Variants in KIRREL3 observed in about 807,000 individuals in gnomAD.
KIRREL3 encodes kirre like nephrin family adhesion molecule 3.
In KIRREL3, 36 loss-of-function variants were observed where a neutral mutation model predicts 89.7. That is an observed-to-expected ratio of 0.40 (90% confidence interval 0.31 to 0.53). KIRREL3 has a LOEUF of 0.53. Among genes scored for constraint, KIRREL3 ranks in the 20% least tolerant of loss-of-function variants. The pLI is 0.49. For missense variants in KIRREL3, 864 were observed against 1,056.6 expected (o/e 0.82, Z 2.53); for synonymous variants, 445 against 441.4 (o/e 1.01, Z -0.10).
In KIRREL3 at chr11:126,782,566, G is replaced by T. The variant is rs1950359972; in HGVS notation, c.55+217889C>A. ...AATTCGTAGGTTTACAATTCTATAT[G>T]CTGTACATGTGCACTGAAACTGAAC... On this transcript the variant is annotated intron_variant, in intron 1 of 16. Coordinates refer to ENST00000525144, the MANE Select transcript of KIRREL3 (RefSeq NM_032531.4). The surrounding 1 kb of genome is among the most constrained non-coding windows in gnomAD (Gnocchi z 4.1). Among the ~76,000 whole-genome samples, 1 of 152,154 alleles carries T rather than the reference G, an allele frequency of 6.6e-6. No homozygotes were observed. Among genetic ancestry groups the T allele is most frequent in the Admixed American group, 6.5e-5 (1 of 15,272 alleles).
At position 126,748,743 on chromosome 11, in the gene KIRREL3, C is replaced by G. The variant is rs1949239410; in HGVS notation, c.56-185831G>C. On this transcript the variant is annotated intron_variant, in intron 1 of 16. Transcript: ENST00000525144. This position sits in a 1 kb window ranked among gnomAD's most constrained non-coding sequence, Gnocchi z 4.6. Reference sequence around the variant, plus strand: ...AAACCAGGCCACGTGTGCCATCCATCGCTGTGATAAAAGCCTCTCTGCCCA... The same window carrying G: ...AAACCAGGCCACGTGTGCCATCCATGGCTGTGATAAAAGCCTCTCTGCCCA... Among the ~76,000 whole-genome samples, 1 of 152,156 alleles carries G rather than the reference C, an allele frequency of 6.6e-6. No individual in the cohort carries two copies. The highest frequency in any genetic ancestry group is 1.5e-5 in the Non-Finnish European group (1 of 68,030).
chr11:126,659,833 G>A (rs889321098), intron 1 of KIRREL3, among the ~76,000 whole-genome samples: 3 of 152,218 alleles, frequency 2.0e-5, no homozygotes, highest in South Asian at 2.1e-4. Flanking sequence ...AAGCTCGTGG[G>A]TGATTCTTAT....
chr11:126,949,944 C>T (rs971542730), intron 1 of KIRREL3, among the ~76,000 whole-genome samples: 1 of 152,236 alleles, frequency 6.6e-6, no homozygotes, highest in Non-Finnish European at 1.5e-5. Flanking sequence ...AGAAAATCTG[C>T]ACGTCTGTGT....
chr11:126,461,521 G>T (rs1040599976), intron 6 of KIRREL3, among the ~76,000 whole-genome samples: 1 of 151,052 alleles, frequency 6.6e-6, no homozygotes. Context: ...GGGGTTGTAG[G>T]GGGGACAGAG....
In KIRREL3 at chr11:126,780,034, C is replaced by T. The variant is rs879812366; in HGVS notation, c.56-217122G>A. 3.3e-5 allele frequency among the ~76,000 whole-genome samples: 5 copies of T among 151,908 alleles called. No individual in the cohort carries two copies. The highest frequency in any genetic ancestry group is 6.6e-5 in the Admixed American group (1 of 15,250). ...TCTGTGGCTTCAACAGGGAGCCCCA[C>T]GCTGTATCTGGAAGGGAGGACTGAA... On this transcript the variant is annotated intron_variant, in intron 1 of 16. Coordinates refer to ENST00000525144, the MANE Select transcript of KIRREL3 (RefSeq NM_032531.4). The surrounding 1 kb of genome is among the most constrained non-coding windows in gnomAD (Gnocchi z 5.3).
chr11:126,871,790 C>T (rs943172033), intron 1 of KIRREL3, among the ~76,000 whole-genome samples: 1 of 152,168 alleles, frequency 6.6e-6, no homozygotes, highest in African/African-American at 2.4e-5. Context: ...CTGAGTCTGG[C>T]ACTGAAACCA....
Position 126,724,582 on chromosome 11 carries a change from G to T in KIRREL3, c.56-161670C>A, listed in dbSNP as rs1246543809. Among the ~76,000 whole-genome samples the T allele has an allele frequency of 2.6e-5, 4 of 152,210 alleles. No homozygotes were observed. The highest frequency in any genetic ancestry group is 5.9e-5 in the Non-Finnish European group (4 of 68,040). ...AAGCAACACGTTTCTGTCCCCAAGGGATGAAGAAGTTTCTTCAGCTGCTCT... is the reference window on the plus strand; with the variant it reads ...AAGCAACACGTTTCTGTCCCCAAGGTATGAAGAAGTTTCTTCAGCTGCTCT... On this transcript the variant is annotated intron_variant, in intron 1 of 16. Transcript: ENST00000525144. This position sits in a 1 kb window ranked among gnomAD's most constrained non-coding sequence, Gnocchi z 4.3.
In KIRREL3 at chr11:126,689,742, C is replaced by T. The variant is rs572048222; in HGVS notation, c.56-126830G>A. 6.6e-6 allele frequency among the ~76,000 whole-genome samples: 1 copy of T among 152,358 alleles called. No homozygotes were observed. Among genetic ancestry groups the T allele is most frequent in the South Asian group, 2.1e-4 (1 of 4,830 alleles). Reference sequence around the variant, plus strand: ...CTTCCTGTCACTTTTCTTTGGCCACCTGGGTCTCAGCAGAGGCCCTCCCAA... The same window carrying T: ...CTTCCTGTCACTTTTCTTTGGCCACTTGGGTCTCAGCAGAGGCCCTCCCAA... On this transcript the variant is annotated intron_variant, in intron 1 of 16. Transcript: ENST00000525144. This position sits in a 1 kb window ranked among gnomAD's most constrained non-coding sequence, Gnocchi z 5.2.
rs752189290 is a variant in KIRREL3 at position 126,740,900 on chromosome 11, C to T, written c.56-177988G>A. Among the ~76,000 whole-genome samples, 4 of 152,024 alleles carry T rather than the reference C, an allele frequency of 2.6e-5. No homozygotes were observed. The highest frequency in any genetic ancestry group is 4.4e-5 in the Non-Finnish European group (3 of 68,030). On this transcript the variant is annotated intron_variant, in intron 1 of 16. Coordinates refer to ENST00000525144, the MANE Select transcript of KIRREL3 (RefSeq NM_032531.4). This position sits in a 1 kb window ranked among gnomAD's most constrained non-coding sequence, Gnocchi z 6.0. ...AGATATCCATTGTTCCATGAGAGTC[C>T]CCCATGGTAGAGTGAGTGACAAGGT... is the stretch of plus-strand genomic sequence containing the variant.
At chr11:126,559,536 T>C (rs1939954418) in intron 2 of KIRREL3, among the ~76,000 whole-genome samples, 1 of 119,230 alleles carries the variant, frequency 8.4e-6, no homozygotes, top group Non-Finnish European at 1.7e-5. Flanking sequence ...CCAGCTGCTG[T>C]GATGAGCACA....
chr11:126,970,046 C>G lies in KIRREL3; in HGVS notation c.55+30409G>C, dbSNP rs570846507. ...AAATCTGGCTAAAATTAGCCTTCTT[C>G]TACCAGTCACAGCCAAGCTGCCCTA... On this transcript the variant is annotated intron_variant, in intron 1 of 16. Coordinates refer to ENST00000525144, the MANE Select transcript of KIRREL3 (RefSeq NM_032531.4). This position sits in a 1 kb window ranked among gnomAD's most constrained non-coding sequence, Gnocchi z 4.4. Among the ~76,000 whole-genome samples, 38 of 152,330 alleles carry G rather than the reference C, an allele frequency of 2.5e-4. No individual in the cohort carries two copies. Among genetic ancestry groups the G allele is most frequent in the African/African-American group, 8.2e-4 (34 of 41,584 alleles).
intron 1 of KIRREL3, among the ~76,000 whole-genome samples, chr11:126,961,029 G>A (rs187983000): frequency 6.6e-6 from 1 of 152,264 alleles, no homozygotes; most frequent in Non-Finnish European, 1.5e-5. Flanking sequence ...ATGAGATGGT[G>A]AGCTTAATCA....
At position 126,783,071 on chromosome 11, in the gene KIRREL3, G is replaced by T. The variant is rs1257377770; in HGVS notation, c.55+217384C>A. Among the ~76,000 whole-genome samples, 1 of 152,172 alleles carries T rather than the reference G, an allele frequency of 6.6e-6. No homozygotes were observed. The highest frequency in any genetic ancestry group is 1.5e-5 in the Non-Finnish European group (1 of 68,026). On this transcript the variant is annotated intron_variant, in intron 1 of 16. Transcript: ENST00000525144. This position sits in a 1 kb window ranked among gnomAD's most constrained non-coding sequence, Gnocchi z 4.3. ...ATGTCATAACAAATAACTACAACTG[G>T]GTGGCTAAGAGCAACAGAAATTTAT...
chr11:126,937,568 T>G (rs961151449), intron 1 of KIRREL3, among the ~76,000 whole-genome samples: 2 of 152,148 alleles, frequency 1.3e-5, no homozygotes, highest in Admixed American at 1.3e-4. Flanking sequence ...TCTTCCTCTT[T>G]TCCCTCCTCT....
rs2134870576 is a variant in KIRREL3 at position 126,905,853 on chromosome 11, G to T, written c.55+94602C>A. Among the ~76,000 whole-genome samples the T allele has an allele frequency of 6.6e-6, 1 of 152,270 alleles. No homozygotes were observed. The highest frequency in any genetic ancestry group is 2.1e-4 in the South Asian group (1 of 4,820). The stretch of plus-strand genomic sequence containing the variant: ...CATGACTCCCCAAAGCACTTCAGGG[G>T]TTCCTTTGTCCGCACCCAGCCATGC... On this transcript the variant is annotated intron_variant, in intron 1 of 16. Coordinates refer to ENST00000525144, the MANE Select transcript of KIRREL3 (RefSeq NM_032531.4). The surrounding 1 kb of genome is among the most constrained non-coding windows in gnomAD (Gnocchi z 5.0).
rs990738902 is a variant in KIRREL3, at chr11:126,571,070, G to A, written c.56-8158C>T. ...CAGCTGGCAAATGGTGAGGCTTGCC[G>A]TACACCTCCATGTTGGTGCTTGTTG... On this transcript the variant is annotated intron_variant, in intron 1 of 16. Transcript: ENST00000525144. The surrounding 1 kb of genome is among the most constrained non-coding windows in gnomAD (Gnocchi z 7.7). 7.9e-5 allele frequency among the ~76,000 whole-genome samples: 12 copies of A among 152,154 alleles called. No individual in the cohort carries two copies. Among genetic ancestry groups the A allele is most frequent in the Admixed American group, 3.3e-4 (5 of 15,282 alleles).
Position 126,912,879 on chromosome 11 carries a change from A to C in KIRREL3, c.55+87576T>G, listed in dbSNP as rs552109256. On this transcript the variant is annotated intron_variant, in intron 1 of 16. Coordinates refer to ENST00000525144, the MANE Select transcript of KIRREL3 (RefSeq NM_032531.4). This position sits in a 1 kb window ranked among gnomAD's most constrained non-coding sequence, Gnocchi z 4.7. The stretch of plus-strand genomic sequence containing the variant: ...CCATTCATGATCATAATTACCAATG[A>C]CGCTTTATCGTGATGACAGAGGAGG... Among the ~76,000 whole-genome samples the C allele has an allele frequency of 1.3e-5, 2 of 152,292 alleles. 1 individual carries two copies. Among genetic ancestry groups the C allele is most frequent in the South Asian group, 4.1e-4 (2 of 4,822 alleles).
In KIRREL3 at chr11:126,833,851, G is replaced by A. The variant is rs949058033; in HGVS notation, c.55+166604C>T. On this transcript the variant is annotated intron_variant, in intron 1 of 16. Transcript: ENST00000525144. Reference sequence around the variant, plus strand: ...CCTATATTCCTGAAAATGAGGTTCAGCCTATATCTGACTCCAGATTTATGA... The same window carrying A: ...CCTATATTCCTGAAAATGAGGTTCAACCTATATCTGACTCCAGATTTATGA... Among the ~76,000 whole-genome samples the A allele has an allele frequency of 3.9e-5, 6 of 152,164 alleles. No homozygotes were observed. In the East Asian group the frequency reaches 1.2e-3, roughly 29 times the overall value.
rs188924023 is a variant in KIRREL3, at chr11:126,585,381, T to C, written c.56-22469A>G. On this transcript the variant is annotated intron_variant, in intron 1 of 16. Transcript: ENST00000525144. ...CCCCAGTAGCTGGGATTACTGGCACTCACCACCACGCCCGGCTACATTTTG... is the reference window on the plus strand; with the variant it reads ...CCCCAGTAGCTGGGATTACTGGCACCCACCACCACGCCCGGCTACATTTTG... Among the ~76,000 whole-genome samples the C allele has an allele frequency of 1.8e-3, 275 of 149,868 alleles. 1 individual carries two copies. Among genetic ancestry groups the C allele is most frequent in the African/African-American group, 6.6e-3 (267 of 40,650 alleles).
Sources: gnomAD v4.1 joint callset for allele counts (sites outside exome capture counted in the v4.1 genomes callset) on GRCh38, gnomAD v4.1.1 for gene constraint, Gnocchi (gnomAD v3.1) non-coding constraint, MANE v1.5 for transcripts, NCBI Gene and HGNC (gene_info 2026-07-23, HGNC 2026-07-21) for gene names.